SERPINB4: variants seen among roughly 807,000 people sequenced by gnomAD.
SERPINB4 encodes the protein serpin family B member 4, also known as serpin B4.
In SERPINB4, 39 loss-of-function variants were observed where a neutral mutation model predicts 33.2. The observed-to-expected ratio is 1.18, with a 90% CI of 0.91 to 1.53. The LOEUF is 1.53. SERPINB4 is among the 40% of genes most tolerant of loss of function. SERPINB4 has a pLI of 0.00. For synonymous variants in SERPINB4, 191 were observed against 166.4 expected (o/e 1.15, Z -1.14); for missense variants, 564 against 455.4 (o/e 1.24, Z -2.17).
rs1483895306 is a variant in SERPINB4 at position 63,637,907 on chromosome 18, G to A, written c.985C>T (p.Leu329=). The A allele has an allele frequency of 2.5e-6, 4 of 1,613,544 alleles. No homozygotes were observed. Among genetic ancestry groups the A allele is most frequent in the Non-Finnish European group, 3.4e-6 (4 of 1,179,732 alleles). Residue 329 remains leucine, a synonymous_variant, in exon 8 of 8, where the codon CTA becomes TTA. Coordinates refer to ENST00000341074, the MANE Select transcript of SERPINB4 (RefSeq NM_002974.4). ...GTGACCTCCACAAAGGCCTTGTGTA[G>A]GACTTTAGATACTGAGAGACCGTGG... ...WSHGLSVSKV[L]HKAFVEVTEE...
chr18:63,643,717 G>T, intron 1 of SERPINB4, 114 bp from the exon 2 acceptor site: 1 of 1,177,156 alleles, frequency 8.5e-7, no homozygotes. Flanking sequence ...GACATTTAAA[G>T]TTTTTCTCTT....
chr18:63,639,716 A>G lies in SERPINB4; in HGVS notation c.530T>C (p.Val177Ala). 1 of 1,612,130 alleles carries G rather than the reference A, an allele frequency of 6.2e-7. No homozygotes were observed. The highest frequency in any genetic ancestry group is 8.5e-7 in the Non-Finnish European group (1 of 1,178,560). Residue 177 changes from valine to alanine, a missense_variant, in exon 6 of 8, where the codon GTG (valine) becomes GCG (alanine). Physicochemically the swap from Val to Ala is moderately conservative, Grantham distance 64 (BLOSUM62 0). Coordinates refer to ENST00000341074, the MANE Select transcript of SERPINB4 (RefSeq NM_002974.4). ...CTGCCCTTTGAAATAGATTGCGTTC[A>G]CAAGAACCAGTGTCGTATCATTGCC... is the stretch of plus-strand genomic sequence containing the variant. ...TIGNDTTLVL[V>A]NAIYFKGQWE...
chr18:63,642,730 C>A (rs569927258), intron 3 of SERPINB4, among the ~76,000 whole-genome samples: 1 of 152,050 alleles, frequency 6.6e-6, no homozygotes, highest in East Asian at 1.9e-4. Flanking sequence ...ATAATTATAG[C>A]TACTTTATAA....
rs1913056928 is a variant in SERPINB4 at position 63,639,626 on chromosome 18, G to A, written c.612+8C>T. The A allele has an allele frequency of 6.6e-7, 1 of 1,518,950 alleles. No homozygotes were observed. Among genetic ancestry groups the A allele is most frequent in the Non-Finnish European group, 9.1e-7 (1 of 1,095,986 alleles). 94.1% of individuals were successfully genotyped at this position (1,518,950 alleles called of 1,614,324 possible). A position where few individuals can be genotyped will look rare whatever the true frequency, so the allele number is the denominator to read the frequency against. ...TATTACACTATATAAATAAAATATA[G>A]ACAATACCTTGTTTGGCCAAAATTT... is the stretch of plus-strand genomic sequence containing the variant. On this transcript the variant is annotated splice_region_variant and intron_variant, in intron 6 of 7. Coordinates refer to ENST00000341074, the MANE Select transcript of SERPINB4 (RefSeq NM_002974.4).
intron 5 of SERPINB4, among the ~76,000 whole-genome samples, chr18:63,640,077 C>T (rs550180896): frequency 6.6e-6 from 1 of 152,164 alleles, no homozygotes; most frequent in Non-Finnish European, 1.5e-5. Flanking sequence ...TACTGATAAA[C>T]TGATTTTGTC....
At chr18:63,639,891 G>T (rs1249007000) in intron 5 of SERPINB4, 115 bp from the exon 6 acceptor site, 2 of 951,050 alleles carry the variant, frequency 2.1e-6, no homozygotes, top group Non-Finnish European at 3.2e-6. Flanking sequence ...CCCTGCTTGA[G>T]ACTCACTGAC....
In SERPINB4 at chr18:63,639,706, G is replaced by A; in HGVS notation, c.540C>T (p.Ile180=). The A allele has an allele frequency of 1.2e-6, 2 of 1,611,940 alleles. No individual in the cohort carries two copies. The highest frequency in any genetic ancestry group is 1.1e-5 in the South Asian group (1 of 91,000). Residue 180 remains isoleucine, a synonymous_variant, in exon 6 of 8, where the codon ATC becomes ATT. Transcript: ENST00000341074. ...TATTCTCCCACTGCCCTTTGAAATA[G>A]ATTGCGTTCACAAGAACCAGTGTCG... ...NDTTLVLVNA[I]YFKGQWENKF... is the part of the protein sequence containing the mutation.
intron 1 of SERPINB4, 33 bp from the exon 2 acceptor site, chr18:63,643,636 T>C (rs187180122): frequency 3.1e-4 from 494 of 1,575,422 alleles, no homozygotes; most frequent in Admixed American, 4.2e-4. Context: ...TCAGAATGAC[T>C]TTAATAAATG....
rs1419997567 is a variant in SERPINB4, at chr18:63,641,796, G to A, written c.315C>T (p.Asn105=). ...STDAYELKIA[N]KLFGEKTYQF... ...GATACGTCTTTTCTCCGAAGAGCTTGTTGGCGATCTTCAGCTCATATGCAT... is the reference window on the plus strand; with the variant it reads ...GATACGTCTTTTCTCCGAAGAGCTTATTGGCGATCTTCAGCTCATATGCAT... The change falls in exon 4 of 8, where the codon AAC becomes AAT. Residue 105 remains asparagine (N), a synonymous_variant. Transcript: ENST00000341074. 3 of 1,613,324 alleles carry A rather than the reference G, an allele frequency of 1.9e-6. No individual in the cohort carries two copies. Among genetic ancestry groups the A allele is most frequent in the African/African-American group, 2.7e-5 (2 of 74,876 alleles).
rs1351353624 is a variant in SERPINB4, at chr18:63,640,986, A to G, written c.357T>C (p.Tyr119=). The G allele has an allele frequency of 1.2e-6, 2 of 1,611,020 alleles. No homozygotes were observed. Among genetic ancestry groups the G allele is most frequent in the African/African-American group, 1.3e-5 (1 of 74,812 alleles). Residue 119 remains tyrosine, a synonymous_variant, in exon 5 of 8, where the codon TAT becomes TAC. Transcript: ENST00000341074. The stretch of plus-strand genomic sequence containing the variant: ...GGTAAAATTTCTTGATGGCATCTAA[A>G]TATTCCTTTGAGATATGAAGGAAGA... ...GEKTYQFLQE[Y]LDAIKKFYQT...
In SERPINB4 at chr18:63,643,348, T is replaced by G; in HGVS notation, c.165+65A>C. On this transcript the variant is annotated intron_variant, in intron 2 of 7. Coordinates refer to ENST00000341074, the MANE Select transcript of SERPINB4 (RefSeq NM_002974.4). ...TCAGACCACCACATCTATTACCATC[T>G]GCGTGCTAGCCGACGGAACCAGAGA... 2 of 1,610,272 alleles carry G rather than the reference T, an allele frequency of 1.2e-6. 1 individual carries two copies. Among genetic ancestry groups the G allele is most frequent in the South Asian group, 2.2e-5 (2 of 90,830 alleles).
chr18:63,641,527 A>C (rs867797228), intron 4 of SERPINB4, among the ~76,000 whole-genome samples: 22 of 152,104 alleles, frequency 1.4e-4, no homozygotes, highest in African/African-American at 2.2e-4. Flanking sequence ...ACTCTATTAC[A>C]CAACCTCCTC....
rs2144470164 is a variant in SERPINB4 at position 63,640,941 on chromosome 18, A to G, written c.402T>C (p.Thr134=). The change falls in exon 5 of 8, where the codon ACT becomes ACC. Residue 134 remains threonine, a synonymous_variant. Transcript: ENST00000341074. The stretch of plus-strand genomic sequence containing the variant: ...TTTCTTCTGGAGCATTTGCAAAATC[A>G]GTAGATTCCACACTGGTCTGGTAAA... ...KKFYQTSVES[T]DFANAPEESR... is the part of the protein sequence containing the mutation. 1 of 1,612,984 alleles carries G rather than the reference A, an allele frequency of 6.2e-7. No homozygotes were observed. The highest frequency in any genetic ancestry group is 8.5e-7 in the Non-Finnish European group (1 of 1,179,308).
chr18:63,641,646 A>G (rs1568164350), intron 4 of SERPINB4, 114 bp downstream of exon 4: 2 of 1,523,112 alleles, frequency 1.3e-6, no homozygotes, highest in Non-Finnish European at 1.8e-6. Flanking sequence ...ACTCTGAGTA[A>G]ATGCTCTCCA....
intron 7 of SERPINB4, among the ~76,000 whole-genome samples, 184 bp downstream of exon 7, chr18:63,639,001 G>A (rs1913033226): frequency 6.6e-6 from 1 of 151,894 alleles, no homozygotes; most frequent in African/African-American, 2.4e-5. Context: ...CAAAAACTAA[G>A]CTTTCAGTTT....
chr18:63,639,645 A>C lies in SERPINB4; in HGVS notation c.601T>G (p.Trp201Gly). The C allele has an allele frequency of 6.2e-7, 1 of 1,602,338 alleles. No individual in the cohort carries two copies. Among genetic ancestry groups the C allele is most frequent in the Non-Finnish European group, 8.5e-7 (1 of 1,170,628 alleles). ...AATATAGACAATACCTTGTTTGGCCAAAATTTTTCCTCTTTAGTGTTTTCT... is the reference window on the plus strand; with the variant it reads ...AATATAGACAATACCTTGTTTGGCCCAAATTTTTCCTCTTTAGTGTTTTCT... The part of the protein sequence containing the change: ...KKENTKEEKF[W>G]PNKNTYKSVQ... The change falls in exon 6 of 8, where the codon TGG (tryptophan) becomes GGG (glycine). Residue 201 changes from tryptophan to glycine, a missense_variant. By Grantham distance (184) the Trp-to-Gly change is radical (BLOSUM62 -2). Coordinates refer to ENST00000341074, the MANE Select transcript of SERPINB4 (RefSeq NM_002974.4).
In SERPINB4 at chr18:63,638,095, A is replaced by C; in HGVS notation, c.797T>G (p.Leu266Trp). ...KLEEKLTAEK[L>W]MEWTSLQNMR... ...ATTCTGCAAACTTGTCCATTCCATC[A>C]ATTTCTCAGCAGTGAGTTTCTCTTC... The change falls in exon 8 of 8, where the codon TTG (leucine) becomes TGG (tryptophan). Residue 266 changes from leucine (L) to tryptophan (W), a missense_variant. By Grantham distance (61) the Leu-to-Trp change is moderately conservative (BLOSUM62 -2). Coordinates refer to ENST00000341074, the MANE Select transcript of SERPINB4 (RefSeq NM_002974.4). 3 of 1,613,244 alleles carry C rather than the reference A, an allele frequency of 1.9e-6. No individual in the cohort carries two copies. Among genetic ancestry groups the C allele is most frequent in the Non-Finnish European group, 2.5e-6 (3 of 1,179,546 alleles).
rs73484633 is a variant in SERPINB4, at chr18:63,642,490, A to T, written c.223-602T>A. Among the ~76,000 whole-genome samples, 357 of 152,190 alleles carry T rather than the reference A, an allele frequency of 2.3e-3. 6 individuals are homozygous for T. The highest frequency in any genetic ancestry group is 8.3e-3 in the African/African-American group (343 of 41,536). On this transcript the variant is annotated intron_variant, in intron 3 of 7. Coordinates refer to ENST00000341074, the MANE Select transcript of SERPINB4 (RefSeq NM_002974.4). ...ACAAGAAAGCTCAGAGAATGGGGAA[A>T]AAAACCCTGTTTATAGAGACATAAA...
chr18:63,640,051 A>T (rs1044044787), intron 5 of SERPINB4, among the ~76,000 whole-genome samples: 4 of 152,098 alleles, frequency 2.6e-5, no homozygotes, highest in Non-Finnish European at 2.9e-5. Flanking sequence ...AATGTCTCCA[A>T]TCATCTGATT....
Sources: gnomAD v4.1 joint callset for allele counts (sites outside exome capture counted in the v4.1 genomes callset) on GRCh38, gnomAD v4.1.1 for gene constraint, MANE v1.5 for transcripts, NCBI Gene and HGNC (gene_info 2026-07-23, HGNC 2026-07-21) for gene names.